The following CELSR3 variants were observed in gnomAD, a reference collection of about 807,000 sequenced individuals.
CELSR3 encodes cadherin EGF LAG seven-pass G-type receptor 3.
A neutral mutation model predicts 270.0 loss-of-function variants in CELSR3; 73 were observed. The observed-to-expected ratio is 0.27, with a 90% CI of 0.22 to 0.33. The LOEUF is 0.33. CELSR3 is among the 10% of genes least tolerant of loss of function. The pLI is 1.00. For missense variants in CELSR3, 3,614 were observed against 4,533.8 expected (o/e 0.80, Z 5.83); for synonymous variants, 1,780 against 1,905.4 (o/e 0.93, Z 1.71).
chr3:48,656,614 G>A, intron 2 of CELSR3, 84 bp downstream of exon 2: 1 of 1,409,966 alleles, frequency 7.1e-7, no homozygotes, highest in Non-Finnish European at 9.3e-7. Flanking sequence ...CCTCAGAAGT[G>A]ACTCCCAGTA....
Position 48,648,453 on chromosome 3 carries a change from C to A in CELSR3, c.6786G>T (p.Leu2262=), listed in dbSNP as rs1575541815. The change falls in exon 19 of 35, where the codon CTG becomes CTT. Residue 2262 remains leucine, a synonymous_variant. Transcript: ENST00000164024. ...TQDAHFNENL[L]WAGSALLAPE... is the part of the protein sequence containing the mutation. ...GGGCAAGCAGTGCAGAGCCGGCCCA[C>A]AGCAGATTCTGGGAAGACAGAGATA... The A allele has an allele frequency of 1.3e-6, 2 of 1,560,216 alleles. No homozygotes were observed. The highest frequency in any genetic ancestry group is 4.7e-5 in the East Asian group (2 of 42,958).
rs373067862 is a variant in CELSR3, at chr3:48,651,051, T to C, written c.6211A>G (p.Ser2071Gly). Reference sequence around the variant, plus strand: ...CAGTCACATGGGAGGCAAGAGTCACTGCCCCGCGGTCGGTAGTGGAACTCC... The same window carrying C: ...CAGTCACATGGGAGGCAAGAGTCACCGCCCCGCGGTCGGTAGTGGAACTCC... ...CKEFHYRPRG[S>G]DSCLPCDCYP... is the part of the protein sequence containing the mutation. Residue 2071 changes from serine (S) to glycine (G), a missense_variant, in exon 15 of 35, where the codon AGT (serine) becomes GGT (glycine). Physicochemically the swap from Ser to Gly is moderately conservative, Grantham distance 56. Coordinates refer to ENST00000164024, the MANE Select transcript of CELSR3 (RefSeq NM_001407.3). The surrounding 1 kb of genome is among the most constrained non-coding windows in gnomAD (Gnocchi z 7.4). The C allele has an allele frequency of 3.8e-6, 6 of 1,578,144 alleles. No homozygotes were observed. Among genetic ancestry groups the C allele is most frequent in the Non-Finnish European group, 5.2e-6 (6 of 1,161,620 alleles).
At position 48,645,980 on chromosome 3, in the gene CELSR3, G is replaced by T; in HGVS notation, c.7463+110C>A. On this transcript the variant is annotated intron_variant, in intron 22 of 34. Coordinates refer to ENST00000164024, the MANE Select transcript of CELSR3 (RefSeq NM_001407.3). The surrounding 1 kb of genome is among the most constrained non-coding windows in gnomAD (Gnocchi z 5.4). Reference sequence around the variant, plus strand: ...GGAGTTGGGGTACAGCATTCCTCATGGTCCGGGTTGCACAACAGCACTAGT... The same window carrying T: ...GGAGTTGGGGTACAGCATTCCTCATTGTCCGGGTTGCACAACAGCACTAGT... The T allele has an allele frequency of 3.8e-6, 6 of 1,571,782 alleles. No homozygotes were observed. The highest frequency in any genetic ancestry group is 5.2e-6 in the Non-Finnish European group (6 of 1,153,758).
Position 48,655,980 on chromosome 3 carries a change from C to A in CELSR3, c.4626-129G>T, listed in dbSNP as rs2047177145. On this transcript the variant is annotated intron_variant, in intron 3 of 34. Coordinates refer to ENST00000164024, the MANE Select transcript of CELSR3 (RefSeq NM_001407.3). The surrounding 1 kb of genome is among the most constrained non-coding windows in gnomAD (Gnocchi z 5.8). ...AGCGACGAGGGACGGCGGGACCGAC[C>A]GGGGGGACGCGGGTGCAGCGAGGTC... The A allele has an allele frequency of 3.6e-6, 4 of 1,103,770 alleles. No individual in the cohort carries two copies. Among genetic ancestry groups the A allele is most frequent in the South Asian group, 1.4e-5 (1 of 71,720 alleles). The allele number at this position is 1,103,770 out of a possible 1,614,324, so 68.4% of individuals were successfully genotyped here. A position where few individuals can be genotyped will look rare whatever the true frequency, so the allele number is the denominator to read the frequency against.
At position 48,659,097 on chromosome 3, in the gene CELSR3, C is replaced by T. The variant is rs1443237457; in HGVS notation, c.3538G>A (p.Val1180Ile). The change falls in exon 1 of 35, where the codon GTA (valine) becomes ATA (isoleucine). Residue 1180 changes from valine (V) to isoleucine (I), a missense_variant. This residue lies in a region of CELSR3 where 1,331 missense variants were observed against 1,933.7 expected (regional missense o/e 0.69). Transcript: ENST00000164024. The surrounding 1 kb of genome is among the most constrained non-coding windows in gnomAD (Gnocchi z 8.1). ...GGGAAGGTGTCTGAACGGTTGGATA[C>T]ATAGTTGTTGAAGAGGATCTGGAAG... ...NNFQILFNNY[V>I]SNRSDTFPSG... 1.9e-6 allele frequency: 3 copies of T among 1,614,186 alleles called. No homozygotes were observed. Among genetic ancestry groups the T allele is most frequent in the East Asian group, 2.2e-5 (1 of 44,886 alleles).
At chr3:48,647,125 G>C (rs1285172425) in intron 20 of CELSR3, among the ~76,000 whole-genome samples, 197 bp from the exon 21 acceptor site, 1 of 129,080 alleles carries the variant, frequency 7.7e-6, no homozygotes, top group African/African-American at 3.1e-5. Context: ...CTCTGACAAA[G>C]TGAAGGTGTG....
rs1247779797 is a variant in CELSR3, at chr3:48,662,243, G to C, written c.392C>G (p.Ser131Cys). Residue 131 changes from serine to cysteine, a missense_variant, in exon 1 of 35, where the codon TCT becomes TGT. This residue lies in a region of CELSR3 where 470 missense variants were observed against 469.7 expected (regional missense o/e 1.00). Coordinates refer to ENST00000164024, the MANE Select transcript of CELSR3 (RefSeq NM_001407.3). The surrounding 1 kb of genome is among the most constrained non-coding windows in gnomAD (Gnocchi z 7.1). ...RERETGQGPG[S>C]VLYWRPEVSS... ...GACCTCTGGGCGCCAGTATAACACA[G>C]ACCCTGGTCCCTGTCCTGTCTCTCG... 5 of 1,613,178 alleles carry C rather than the reference G, an allele frequency of 3.1e-6. No homozygotes were observed. The East Asian group carries it at 1.1e-4, about 36-fold the overall frequency.
chr3:48,660,189 C>A lies in CELSR3; in HGVS notation c.2446G>T (p.Ala816Ser), dbSNP rs1008902915. The change falls in exon 1 of 35, where the codon GCT becomes TCT. Residue 816 changes from alanine to serine, a missense_variant. By Grantham distance (99) the Ala-to-Ser change is moderately conservative (BLOSUM62 1). Coordinates refer to ENST00000164024, the MANE Select transcript of CELSR3 (RefSeq NM_001407.3). The surrounding 1 kb of genome is among the most constrained non-coding windows in gnomAD (Gnocchi z 5.5). The stretch of plus-strand genomic sequence containing the variant: ...TCCTGCTTGTAGTCCAGTGGCAGAG[C>A]CAGAGTCACCAGACCCACACCCCCC... ...TQGGVGLVTL[A>S]LPLDYKQERY... 2 of 1,614,044 alleles carry A rather than the reference C, an allele frequency of 1.2e-6. No individual in the cohort carries two copies. The highest frequency in any genetic ancestry group is 1.7e-5 in the Admixed American group (1 of 60,006).
intron 20 of CELSR3, 82 bp from the exon 21 acceptor site, chr3:48,647,010 A>G (rs1575540728): frequency 5.2e-6 from 7 of 1,335,278 alleles, no homozygotes; most frequent in Non-Finnish European, 7.0e-6. Context: ...CCGATCAAGC[A>G]TGGGGGTCTC....
Position 48,659,565 on chromosome 3 carries a change from G to A in CELSR3, c.3070C>T (p.Arg1024Trp), listed in dbSNP as rs561081554. 17 of 1,614,160 alleles carry A rather than the reference G, an allele frequency of 1.1e-5. No homozygotes were observed. Among genetic ancestry groups the A allele is most frequent in the East Asian group, 4.5e-5 (2 of 44,892 alleles). Residue 1024 changes from arginine to tryptophan, a missense_variant, in exon 1 of 35, where the codon CGG becomes TGG. By Grantham distance (101) the Arg-to-Trp change is moderately radical (BLOSUM62 -3). Coordinates refer to ENST00000164024, the MANE Select transcript of CELSR3 (RefSeq NM_001407.3). This position sits in a 1 kb window ranked among gnomAD's most constrained non-coding sequence, Gnocchi z 8.1. ...PTSGIVRTVR[R>W]LDREAVSVYE... is the part of the protein sequence containing the mutation. ...ACTGATACTGCCTCCCGGTCTAGCC[G>A]CCTTACTGTACGGACAATTCCAGAG...
In CELSR3 at chr3:48,640,263, C is replaced by T; in HGVS notation, c.9322G>A (p.Ala3108Thr). 2 of 1,612,820 alleles carry T rather than the reference C, an allele frequency of 1.2e-6. No homozygotes were observed. The highest frequency in any genetic ancestry group is 1.7e-6 in the Non-Finnish European group (2 of 1,179,920). Residue 3108 changes from alanine to threonine, a missense_variant, in exon 34 of 35, where the codon GCA becomes ACA. By Grantham distance (58) the Ala-to-Thr change is moderately conservative. Coordinates refer to ENST00000164024, the MANE Select transcript of CELSR3 (RefSeq NM_001407.3). This position sits in a 1 kb window ranked among gnomAD's most constrained non-coding sequence, Gnocchi z 7.5. ...RPGSQECMDA[A>T]PGRLEPKDRG... ...TCTTTGGGCTCCAGTCGGCCTGGTG[C>T]AGCATCCATGCATTCCTGGGACCCT...
Position 48,654,018 on chromosome 3 carries a change from C to A in CELSR3, c.5153-15G>T. 6.2e-7 allele frequency: 1 copy of A among 1,610,914 alleles called. No homozygotes were observed. The highest frequency in any genetic ancestry group is 8.5e-7 in the Non-Finnish European group (1 of 1,178,304). On this transcript the variant is annotated splice_polypyrimidine_tract_variant and intron_variant, in intron 7 of 34. Transcript: ENST00000164024. The surrounding 1 kb of genome is among the most constrained non-coding windows in gnomAD (Gnocchi z 5.4). The stretch of plus-strand genomic sequence containing the variant: ...GGCTTGGCAGCCTGGGAGAGGAAAG[C>A]ACATGGCGGACATGAGAACAAGGGT...
chr3:48,641,035 G>A lies in CELSR3; in HGVS notation c.9025+289C>T, dbSNP rs1035448248. ...GCACGGGCTCTGGGATCTGGGTGGG[G>A]GGCAGGGGGAAGCAGCTCCTAGGGT... On this transcript the variant is annotated intron_variant, in intron 33 of 34. Transcript: ENST00000164024. This position sits in a 1 kb window ranked among gnomAD's most constrained non-coding sequence, Gnocchi z 4.8. The A allele has an allele frequency of 8.7e-6, 4 of 459,164 alleles. No individual in the cohort carries two copies. Among genetic ancestry groups the A allele is most frequent in the Admixed American group, 3.9e-5 (1 of 25,432 alleles). The allele number at this position is 459,164 out of a possible 1,614,324, so 28.4% of individuals were successfully genotyped here.
At chr3:48,648,501 G>A (rs2047108758) in intron 18 of CELSR3, 40 bp from the exon 19 acceptor site, 3 of 1,484,722 alleles carry the variant, frequency 2.0e-6, no homozygotes, top group African/African-American at 1.4e-5. Flanking sequence ...GCCAGGTGGT[G>A]AGGATGTATG....
chr3:48,646,895 G>A lies in CELSR3; in HGVS notation c.7163C>T (p.Thr2388Ile). The change falls in exon 21 of 35, where the codon ACC becomes ATC. Residue 2388 changes from threonine to isoleucine, a missense_variant. Physicochemically the swap from Thr to Ile is moderately conservative, Grantham distance 89. This residue lies in a region of CELSR3 where 1,240 missense variants were observed against 1,351.7 expected (regional missense o/e 0.92). Transcript: ENST00000164024. This position sits in a 1 kb window ranked among gnomAD's most constrained non-coding sequence, Gnocchi z 4.8. Reference protein sequence around the residue: ...LPTSSSIENSTTSSVVPPPAP... With the variant: ...LPTSSSIENSITSSVVPPPAP... ...TGGTGGGGGGACCACACTTGAGGTG[G>A]TGGAGTTTTCTATGCTGCTGCTTGT... is the stretch of plus-strand genomic sequence containing the variant. 6.4e-7 allele frequency: 1 copy of A among 1,567,920 alleles called. No homozygotes were observed. The highest frequency in any genetic ancestry group is 8.6e-7 in the Non-Finnish European group (1 of 1,162,380).
Position 48,645,702 on chromosome 3 carries a change from T to C in CELSR3, c.7590+40A>G, listed in dbSNP as rs749891542. The stretch of plus-strand genomic sequence containing the variant: ...TGTTGGGCAGAATCCCCGTGTCCCT[T>C]TGACCCCCCACTTCCTTGGGACACT... On this transcript the variant is annotated intron_variant, in intron 23 of 34. Coordinates refer to ENST00000164024, the MANE Select transcript of CELSR3 (RefSeq NM_001407.3). The surrounding 1 kb of genome is among the most constrained non-coding windows in gnomAD (Gnocchi z 5.4). 6.1e-5 allele frequency: 98 copies of C among 1,600,292 alleles called. No individual in the cohort carries two copies. The highest frequency in any genetic ancestry group is 7.6e-5 in the Non-Finnish European group (89 of 1,169,980).
In CELSR3 at chr3:48,641,810, G is replaced by A. The variant is rs2047028888; in HGVS notation, c.8824+41C>T. On this transcript the variant is annotated intron_variant, in intron 32 of 34. Transcript: ENST00000164024. This position sits in a 1 kb window ranked among gnomAD's most constrained non-coding sequence, Gnocchi z 4.8. ...GGGAGCTGGAGGGATAACAAATGGG[G>A]CATCCCTTGGTCACCCAAGGGGTCA... 7.0e-7 allele frequency: 1 copy of A among 1,421,480 alleles called. No individual in the cohort carries two copies. The allele number at this position is 1,421,480 out of a possible 1,614,324, so 88.1% of individuals were successfully genotyped here. A position where few individuals can be genotyped will look rare whatever the true frequency, so the allele number is the denominator to read the frequency against.
intron 18 of CELSR3, 77 bp downstream of exon 18, chr3:48,648,642 G>A (rs992216986): frequency 7.9e-6 from 12 of 1,513,126 alleles, no homozygotes; most frequent in Admixed American, 3.6e-5. Context: ...AACAGCAGGA[G>A]CCTGAGCTGG....
Position 48,653,859 on chromosome 3 carries a change from C to T in CELSR3, c.5278+19G>A. On this transcript the variant is annotated intron_variant, in intron 8 of 34. Coordinates refer to ENST00000164024, the MANE Select transcript of CELSR3 (RefSeq NM_001407.3). This position sits in a 1 kb window ranked among gnomAD's most constrained non-coding sequence, Gnocchi z 6.5. ...AGATCTGACCCTGCAGGCCCCTCTG[C>T]CCCATGCTGCCCACTTACTAAGCTG... The T allele has an allele frequency of 6.2e-7, 1 of 1,613,182 alleles. No individual in the cohort carries two copies. The highest frequency in any genetic ancestry group is 8.5e-7 in the Non-Finnish European group (1 of 1,179,326).
Sources: allele counts gnomAD v4.1 joint callset (sites outside exome capture counted in the v4.1 genomes callset), GRCh38; gene constraint gnomAD v4.1.1; regional missense constraint gnomAD v4.1.1; non-coding constraint Gnocchi (gnomAD v3.1); transcripts MANE v1.5; gene names NCBI Gene and HGNC (gene_info 2026-07-23, HGNC 2026-07-21).